COLEC12: variants seen among roughly 807,000 people sequenced by gnomAD.
COLEC12 encodes the protein collectin subfamily member 12.
COLEC12 carries 33 observed loss-of-function variants against 71.1 expected under a neutral mutation model. The observed-to-expected ratio is 0.46, with a 90% CI of 0.35 to 0.62. The LOEUF (loss-of-function observed/expected upper bound fraction) is 0.62. Ranked by LOEUF, COLEC12 falls within the 20% of genes least tolerant of loss-of-function variation. The pLI, the probability that COLEC12 is intolerant of heterozygous loss-of-function variation, is 0.00. For missense variants in COLEC12, 765 were observed against 916.1 expected, an observed-to-expected ratio of 0.84 and a Z score of 2.13; for synonymous variants, 350 against 353.0, an observed-to-expected ratio of 0.99 and a Z score of 0.10.
chr18:421,979 G>T (rs1454902820), intron 2 of COLEC12, among the ~76,000 whole-genome samples: 1 of 152,178 alleles, frequency 6.6e-6, no homozygotes, highest in Non-Finnish European at 1.5e-5. Flanking sequence ...TTACTGCTGG[G>T]TGAGTCACTG....
chr18:440,315 G>A (rs1025748173), intron 2 of COLEC12, among the ~76,000 whole-genome samples: 2 of 150,492 alleles, frequency 1.3e-5, no homozygotes, highest in Non-Finnish European at 3.0e-5. Context: ...TAATACTATA[G>A]TATATACTTG....
At position 320,053 on chromosome 18, in the gene COLEC12, C is replaced by A. The variant is rs2143397431; in HGVS notation, c.2221G>T (p.Ala741Ser). Residue 741 changes from alanine (A) to serine (S), a missense_variant, in exon 10 of 10, where the codon GCA (alanine) becomes TCA (serine). Ala to Ser is a moderately conservative substitution (Grantham distance 99). Coordinates refer to ENST00000400256, the MANE Select transcript of COLEC12 (RefSeq NM_130386.3). ...EKDRETVLSS[A>S]L ...GATCCCATCACAGTCCGTTATAATGCAGATGACAGTACTAAAAGAGAGAAA... is the reference window on the plus strand; with the variant it reads ...GATCCCATCACAGTCCGTTATAATGAAGATGACAGTACTAAAAGAGAGAAA... 1.3e-6 allele frequency: 2 copies of A among 1,555,794 alleles called. No homozygotes were observed. Among genetic ancestry groups the A allele is most frequent in the Non-Finnish European group, 1.8e-6 (2 of 1,139,468 alleles).
At chr18:458,219 G>A (rs966864543) in intron 2 of COLEC12, among the ~76,000 whole-genome samples, 2 of 152,200 alleles carry the variant, frequency 1.3e-5, no homozygotes, top group African/African-American at 2.4e-5. Flanking sequence ...GACCTCATCA[G>A]GGACCGGAAA....
intron 1 of COLEC12, among the ~76,000 whole-genome samples, chr18:485,539 A>G (rs1917503472): frequency 6.6e-6 from 1 of 152,200 alleles, no homozygotes; most frequent in African/African-American, 2.4e-5. Context: ...AGGCTATGTT[A>G]TATTTTGCTT....
At chr18:496,697 G>C (rs911945650) in intron 1 of COLEC12, among the ~76,000 whole-genome samples, 2 of 152,162 alleles carry the variant, frequency 1.3e-5, no homozygotes, top group African/African-American at 4.8e-5. Flanking sequence ...AAATATTTAT[G>C]CACAAAAGTA....
At chr18:352,824 T>C (rs1361022607) in intron 3 of COLEC12, among the ~76,000 whole-genome samples, 2 of 152,226 alleles carry the variant, frequency 1.3e-5, no homozygotes, top group Non-Finnish European at 2.9e-5. Flanking sequence ...CATCCTGTAT[T>C]ACCCTGGAAA....
At chr18:481,029 C>T (rs935757034) in intron 1 of COLEC12, among the ~76,000 whole-genome samples, 1 of 152,072 alleles carries the variant, frequency 6.6e-6, no homozygotes, top group African/African-American at 2.4e-5. Flanking sequence ...CTGGACCACC[C>T]GGCCACTCCC....
intron 2 of COLEC12, among the ~76,000 whole-genome samples, chr18:360,844 A>G (rs181529410): frequency 6.6e-6 from 1 of 152,186 alleles, no homozygotes; most frequent in Non-Finnish European, 1.5e-5. Flanking sequence ...CTTGTTTATT[A>G]TAATTTTTCC....
In COLEC12 at chr18:480,683, G is replaced by C; in HGVS notation, c.58+24C>G. The C allele has an allele frequency of 6.2e-7, 1 of 1,609,916 alleles. No homozygotes were observed. The highest frequency in any genetic ancestry group is 8.5e-7 in the Non-Finnish European group (1 of 1,176,176). Reference sequence around the variant, plus strand: ...GCATCCCAGGTTGACCACTGAGAAGGAACACAGCTTTGTTAGGACTCACCA... The same window carrying C: ...GCATCCCAGGTTGACCACTGAGAAGCAACACAGCTTTGTTAGGACTCACCA... On this transcript the variant is annotated intron_variant, in intron 2 of 9. Transcript: ENST00000400256. The surrounding 1 kb of genome is among the most constrained non-coding windows in gnomAD (Gnocchi z 4.1).
chr18:337,843 T>C (rs895305767), intron 5 of COLEC12, among the ~76,000 whole-genome samples: 1 of 152,200 alleles, frequency 6.6e-6, no homozygotes, highest in African/African-American at 2.4e-5. Context: ...TCCCACCACA[T>C]TGCCACAACC....
intron 2 of COLEC12, among the ~76,000 whole-genome samples, chr18:403,155 C>G (rs1915721159): frequency 6.6e-6 from 1 of 152,158 alleles, no homozygotes. Flanking sequence ...CGGCTGAGTC[C>G]TCAGTGAGAC....
chr18:429,952 G>C (rs936490192), intron 2 of COLEC12, among the ~76,000 whole-genome samples: 5 of 152,164 alleles, frequency 3.3e-5, no homozygotes, highest in Non-Finnish European at 7.3e-5. Context: ...TAGAATGTAA[G>C]CTGCCTTAGG....
intron 1 of COLEC12, among the ~76,000 whole-genome samples, chr18:497,181 G>A (rs922046865): frequency 6.6e-6 from 1 of 152,146 alleles, no homozygotes; most frequent in East Asian, 1.9e-4. Flanking sequence ...GATAGGTGGC[G>A]CTGTGACTGA....
rs576322348 is a variant in COLEC12 at position 419,873 on chromosome 18, C to T, written c.58+60834G>A. ...CAACAGAATACAGCAGAAAGAATGCCGTGCCAATTTCCAAGCTAAGCCTTA... is the reference window on the plus strand; with the variant it reads ...CAACAGAATACAGCAGAAAGAATGCTGTGCCAATTTCCAAGCTAAGCCTTA... On this transcript the variant is annotated intron_variant, in intron 2 of 9. Transcript: ENST00000400256. Among the ~76,000 whole-genome samples the T allele has an allele frequency of 8.3e-4, 126 of 152,244 alleles. 1 individual carries two copies. The South Asian group carries it at 0.012, about 14-fold the overall frequency.
In COLEC12 at chr18:409,267, G is replaced by A. The variant is rs112463817; in HGVS notation, c.59-51745C>T. Among the ~76,000 whole-genome samples the A allele has an allele frequency of 3.0e-4, 46 of 152,374 alleles. No homozygotes were observed. The East Asian group carries it at 7.5e-3, about 25-fold the overall frequency. ...AAAAGAAACGTCTCCTAGGCCGGGC[G>A]TGGTGGCTCACGCCTATAATCCAAC... is the stretch of plus-strand genomic sequence containing the variant. On this transcript the variant is annotated intron_variant, in intron 2 of 9. Coordinates refer to ENST00000400256, the MANE Select transcript of COLEC12 (RefSeq NM_130386.3).
intron 8 of COLEC12, 53 bp from the exon 9 acceptor site, chr18:321,860 C>T: frequency 6.5e-7 from 1 of 1,547,912 alleles, no homozygotes; most frequent in Non-Finnish European, 8.8e-7. Context: ...CAGAGCTTTT[C>T]TTTACTCAAG....
At position 408,571 on chromosome 18, in the gene COLEC12, C is replaced by T. The variant is rs1183239892; in HGVS notation, c.59-51049G>A. The stretch of plus-strand genomic sequence containing the variant: ...TTCATAGCGGTCTCAAAGTTGAAAT[C>T]CTCCAGGGAATTCAAGTATTACCAA... On this transcript the variant is annotated intron_variant, in intron 2 of 9. Transcript: ENST00000400256. The surrounding 1 kb of genome is among the most constrained non-coding windows in gnomAD (Gnocchi z 4.3). 1.3e-5 allele frequency among the ~76,000 whole-genome samples: 2 copies of T among 151,166 alleles called. No individual in the cohort carries two copies. Among genetic ancestry groups the T allele is most frequent in the Non-Finnish European group, 2.9e-5 (2 of 67,872 alleles).
chr18:432,249 G>A (rs1303311595), intron 2 of COLEC12, among the ~76,000 whole-genome samples: 2 of 152,132 alleles, frequency 1.3e-5, no homozygotes, highest in African/African-American at 4.8e-5. Flanking sequence ...CTACATTAAG[G>A]ATCTAGCTCT....
chr18:488,363 A>G (rs1193102609), intron 1 of COLEC12, among the ~76,000 whole-genome samples: 2 of 152,104 alleles, frequency 1.3e-5, no homozygotes, highest in African/African-American at 4.8e-5. Context: ...GTGATCTGAG[A>G]TAGCACCACT....
Sources: gnomAD v4.1 joint callset for allele counts (sites outside exome capture counted in the v4.1 genomes callset) on GRCh38, gnomAD v4.1.1 for gene constraint, Gnocchi (gnomAD v3.1) non-coding constraint, MANE v1.5 for transcripts, NCBI Gene and HGNC (gene_info 2026-07-23, HGNC 2026-07-21) for gene names.